Variants in PTPN11 observed in about 807,000 individuals in gnomAD.
The protein encoded by PTPN11 is protein tyrosine phosphatase non-receptor type 11, also known as tyrosine-protein phosphatase non-receptor type 11.
A neutral mutation model predicts 78.8 loss-of-function variants in PTPN11; 6 were observed. The observed-to-expected ratio is 0.08, with a 90% CI of 0.04 to 0.15. The LOEUF (loss-of-function observed/expected upper bound fraction) is 0.15. Among genes scored for constraint, PTPN11 ranks in the 10% least tolerant of loss-of-function variants. The pLI is 1.00. For missense variants in PTPN11, 386 were observed against 744.8 expected, an observed-to-expected ratio of 0.52 and a Z score of 5.61; for synonymous variants, 221 against 263.5, an observed-to-expected ratio of 0.84 and a Z score of 1.56.
rs551981816 is a variant in PTPN11, at chr12:112,435,104, G to A, written c.15-11172G>A. Among the ~76,000 whole-genome samples the A allele has an allele frequency of 1.8e-3, 275 of 152,016 alleles. 1 individual carries two copies. Among genetic ancestry groups the A allele is most frequent in the African/African-American group, 6.0e-3 (247 of 41,470 alleles). On this transcript the variant is annotated intron_variant, in intron 1 of 15. Coordinates refer to ENST00000351677, the MANE Select transcript of PTPN11 (RefSeq NM_002834.5). ...CACAATCGCAGCTCACTGCAACCCC[G>A]ACGTCCCAGGCTCAGGCAATCTTTC...
At chr12:112,483,826 G>T (rs2038634266) in intron 10 of PTPN11, among the ~76,000 whole-genome samples, 2 of 152,158 alleles carry the variant, frequency 1.3e-5, no homozygotes, top group Non-Finnish European at 2.9e-5. Flanking sequence ...TGGTGTGCAG[G>T]GTGACTGGCA....
intron 3 of PTPN11, among the ~76,000 whole-genome samples, chr12:112,452,986 T>A (rs556920524): frequency 3.6e-4 from 55 of 152,280 alleles, no homozygotes; most frequent in Non-Finnish European, 6.9e-4. Context: ...ATTTAAGAAG[T>A]TTAGTGGTCA....
chr12:112,496,480 CAT>C (rs1454415996), intron 13 of PTPN11, among the ~76,000 whole-genome samples: 1 of 152,168 alleles, frequency 6.6e-6, no homozygotes, highest in Non-Finnish European at 1.5e-5. Context: ...AGCTAGAAAA[CAT>C]ATGGCTGTAT....
At chr12:112,455,908 TA>T (rs1416771287) in intron 5 of PTPN11, 41 bp from the exon 6 acceptor site, 1 of 1,151,366 alleles carries the variant, frequency 8.7e-7, no homozygotes, top group African/African-American at 1.5e-5. Context: ...CCGTTTTCTG[TA>T]ATATTTTCTT....
At chr12:112,441,149 G>A (rs1309327078) in intron 1 of PTPN11, among the ~76,000 whole-genome samples, 3 of 150,740 alleles carry the variant, frequency 2.0e-5, no homozygotes, top group African/African-American at 7.3e-5. Context: ...TTTTTAGTAG[G>A]GACAGGGTTT....
intron 6 of PTPN11, among the ~76,000 whole-genome samples, chr12:112,472,536 CTTT>C (rs71445574): frequency 2.8e-5 from 4 of 141,948 alleles, no homozygotes; most frequent in Non-Finnish European, 3.1e-5. Context: ...GATGAACCTT[CTTT>C]TTTTTTTTTT....
intron 13 of PTPN11, among the ~76,000 whole-genome samples, chr12:112,491,273 A>G (rs940979533): frequency 7.7e-6 from 1 of 130,014 alleles, no homozygotes; most frequent in Non-Finnish European, 1.6e-5. Flanking sequence ...TACAGTAGTG[A>G]AAAAAAAAAA....
chr12:112,467,170 T>G (rs2038340942), intron 6 of PTPN11, among the ~76,000 whole-genome samples: 1 of 152,106 alleles, frequency 6.6e-6, no homozygotes, highest in African/African-American at 2.4e-5. Context: ...GTAGTGCCGT[T>G]GGGTACTCAC....
At chr12:112,491,342 T>A (rs996767333) in intron 13 of PTPN11, among the ~76,000 whole-genome samples, 2 of 152,084 alleles carry the variant, frequency 1.3e-5, no homozygotes, top group African/African-American at 4.8e-5. Context: ...CTTTCCTGAC[T>A]GTTAACTTTT....
At position 112,509,569 on chromosome 12, in the gene PTPN11, A is replaced by G. The variant is rs1366602242; in HGVS notation, c.*3777A>G. 8.5e-5 allele frequency: 13 copies of G among 152,670 alleles called. No individual in the cohort carries two copies. Among genetic ancestry groups the G allele is most frequent in the African/African-American group, 2.2e-4 (9 of 41,458 alleles). The allele number at this position is 152,670 out of a possible 1,614,324, so 9.5% of individuals were successfully genotyped here. On this transcript the variant is annotated 3_prime_UTR_variant, in exon 16 of 16. Transcript: ENST00000351677. ...TATGTAATATTTTATTGATAAATCT[A>G]TCCTTTAAAAGGAATACGTTTTAGG...
At chr12:112,437,451 G>A (rs1456121772) in intron 1 of PTPN11, among the ~76,000 whole-genome samples, 18 of 152,256 alleles carry the variant, frequency 1.2e-4, no homozygotes, top group Admixed American at 2.6e-4. Context: ...ATGAGCCACC[G>A]TGCCCGGCCT....
intron 9 of PTPN11, 88 bp downstream of exon 9, chr12:112,478,103 A>G: frequency 6.9e-7 from 1 of 1,452,010 alleles, no homozygotes; most frequent in Non-Finnish European, 9.6e-7. Context: ...GAATAAATGA[A>G]TTAAGCTTAC....
intron 7 of PTPN11, among the ~76,000 whole-genome samples, chr12:112,475,344 T>TA (rs535734776): frequency 3.0e-4 from 44 of 146,168 alleles, no homozygotes; most frequent in Non-Finnish European, 4.5e-4. Context: ...ATCCTGTCCC[T>TA]AAAAAAAAAA....
chr12:112,460,799 G>A (rs539429756), intron 6 of PTPN11, among the ~76,000 whole-genome samples: 51 of 152,266 alleles, frequency 3.3e-4, no homozygotes, highest in Non-Finnish European at 5.3e-4. Flanking sequence ...CCGAGATCGC[G>A]CCACTGCACT....
intron 6 of PTPN11, among the ~76,000 whole-genome samples, chr12:112,471,150 C>T (rs781551344): frequency 6.6e-6 from 1 of 152,132 alleles, no homozygotes; most frequent in Non-Finnish European, 1.5e-5. Flanking sequence ...AAAGTCCAGA[C>T]CTTTACACTT....
chr12:112,450,894 A>T (rs2038070583), intron 3 of PTPN11, among the ~76,000 whole-genome samples: 1 of 152,334 alleles, frequency 6.6e-6, no homozygotes, highest in African/African-American at 2.4e-5. Context: ...TCGACCAGTT[A>T]TTCAGCAATG....
intron 4 of PTPN11, among the ~76,000 whole-genome samples, chr12:112,453,660 T>G (rs943482073): frequency 5.2e-4 from 78 of 151,240 alleles, no homozygotes; most frequent in African/African-American, 1.3e-3. Context: ...TTTTTTTTTT[T>G]TTGTTTTTGT....
At chr12:112,456,853 G>A (rs2038169218) in intron 6 of PTPN11, among the ~76,000 whole-genome samples, 1 of 152,072 alleles carries the variant, frequency 6.6e-6, no homozygotes, top group South Asian at 2.1e-4. Flanking sequence ...GCTTTGACGT[G>A]CCAAATGTGG....
chr12:112,450,278 TA>T, intron 2 of PTPN11, 39 bp from the exon 3 acceptor site: 3 of 1,525,946 alleles, frequency 2.0e-6, no homozygotes, highest in Non-Finnish European at 2.7e-6. Context: ...TGTAACTCTT[TA>T]TTTGTCCCCT....
Sources: gnomAD v4.1 joint callset for allele counts (sites outside exome capture counted in the v4.1 genomes callset) on GRCh38, gnomAD v4.1.1 for gene constraint, MANE v1.5 for transcripts, NCBI Gene and HGNC (gene_info 2026-07-23, HGNC 2026-07-21) for gene names.